Variants in PITPNA observed in about 807,000 individuals in gnomAD.
The protein encoded by PITPNA is phosphatidylinositol transfer protein alpha isoform.
In PITPNA, 13 loss-of-function variants were observed where a neutral mutation model predicts 50.3. That is an observed-to-expected ratio of 0.26 (90% CI 0.17 to 0.41). The LOEUF (loss-of-function observed/expected upper bound fraction) is 0.41, where lower values mean the gene tolerates loss of function less well. Among genes scored for constraint, PITPNA ranks in the 10% least tolerant of loss-of-function variants. PITPNA has a pLI of 1.00. For missense variants in PITPNA, 207 were observed against 333.4 expected, an observed-to-expected ratio of 0.62 and a Z score of 2.95; for synonymous variants, 120 against 119.6, an observed-to-expected ratio of 1.00 and a Z score of -0.02.
At chr17:1,533,089 T>G (rs2151005182) in intron 10 of PITPNA, among the ~76,000 whole-genome samples, 1 of 152,300 alleles carries the variant, frequency 6.6e-6, no homozygotes, top group Non-Finnish European at 1.5e-5. Flanking sequence ...GAGTGGGCTG[T>G]TGCAAAGCAA....
intron 2 of PITPNA, among the ~76,000 whole-genome samples, chr17:1,557,971 C>T (rs1247682107): frequency 6.6e-6 from 1 of 152,232 alleles, no homozygotes; most frequent in African/African-American, 2.4e-5. Flanking sequence ...GGGCTCACGC[C>T]TGTCATCCCA....
chr17:1,558,422 G>A (rs2075749801), intron 2 of PITPNA, 107 bp downstream of exon 2: 3 of 725,232 alleles, frequency 4.1e-6, no homozygotes, highest in Non-Finnish European at 7.2e-6. Context: ...ATTTATGTTA[G>A]AACAAATAAG....
rs201928722 is a variant in PITPNA at position 1,535,448 on chromosome 17, T to C, written c.527A>G (p.Asn176Ser). The change falls in exon 8 of 12, where the codon AAT becomes AGT. Residue 176 changes from asparagine (N) to serine (S), a missense_variant. Transcript: ENST00000313486. ...TGAAGGTGTGAATGGTACCTTCCAA[T>C]TGGGGCCCAAGGGTCCTCGGCCTGT... is the stretch of plus-strand genomic sequence containing the variant. ...IKTGRGPLGP[N>S]WKQELVNQKD... 2.2e-5 allele frequency: 35 copies of C among 1,612,138 alleles called. No homozygotes were observed. The highest frequency in any genetic ancestry group is 1.7e-4 in the African/African-American group (13 of 75,000).
intron 3 of PITPNA, 108 bp from the exon 4 acceptor site, chr17:1,548,495 G>A (rs2075690685): frequency 2.7e-6 from 2 of 735,244 alleles, no homozygotes; most frequent in Non-Finnish European, 4.5e-6. Context: ...AAGTTTCCAT[G>A]CAATGAGCAG....
chr17:1,548,950 G>A (rs1409467184), intron 3 of PITPNA, among the ~76,000 whole-genome samples: 1 of 152,154 alleles, frequency 6.6e-6, no homozygotes, highest in Non-Finnish European at 1.5e-5. Context: ...CGCCCAGGCT[G>A]GAGTGCAGTG....
intron 1 of PITPNA, among the ~76,000 whole-genome samples, chr17:1,560,999 T>C (rs971332076): frequency 3.9e-5 from 6 of 152,282 alleles, no homozygotes; most frequent in Admixed American, 3.3e-4. Flanking sequence ...GCTGACAAAG[T>C]GGCAAGAGCT....
At chr17:1,531,272 T>C (rs542118181) in intron 10 of PITPNA, among the ~76,000 whole-genome samples, 3 of 151,922 alleles carry the variant, frequency 2.0e-5, no homozygotes, top group Non-Finnish European at 2.9e-5. Flanking sequence ...GAGTCCTCTA[T>C]AGGGAAAGTG....
chr17:1,545,991 G>C (rs1488028659), intron 4 of PITPNA, among the ~76,000 whole-genome samples: 3 of 141,866 alleles, frequency 2.1e-5, no homozygotes, highest in Admixed American at 7.6e-5. Flanking sequence ...GGAATGGCAC[G>C]ATCTCGGCTC....
intron 10 of PITPNA, among the ~76,000 whole-genome samples, chr17:1,531,376 C>G (rs74822093): frequency 5.3e-4 from 81 of 152,034 alleles, no homozygotes; most frequent in African/African-American, 1.7e-3. Flanking sequence ...AGGTTCCCCC[C>G]ACTGTAACTA....
chr17:1,541,495 G>T, intron 6 of PITPNA, 71 bp downstream of exon 6: 1 of 1,093,268 alleles, frequency 9.1e-7, no homozygotes, highest in Non-Finnish European at 1.4e-6. Context: ...GGACCCCATG[G>T]TAGCCCTGGA....
Position 1,551,160 on chromosome 17 carries a change from G to A in PITPNA, c.197+1844C>T, listed in dbSNP as rs150489886. On this transcript the variant is annotated intron_variant, in intron 3 of 11. Coordinates refer to ENST00000313486, the MANE Select transcript of PITPNA (RefSeq NM_006224.4). Reference sequence around the variant, plus strand: ...CTGATGCGATAAGAAGGGCGAGTGAGAGTACTGCAGGGGAGCTCTGCTTTC... The same window carrying A: ...CTGATGCGATAAGAAGGGCGAGTGAAAGTACTGCAGGGGAGCTCTGCTTTC... 1.6e-3 allele frequency among the ~76,000 whole-genome samples: 243 copies of A among 152,334 alleles called. 3 individuals are homozygous for A. The highest frequency in any genetic ancestry group is 2.7e-3 in the Non-Finnish European group (186 of 68,034).
chr17:1,535,576 G>C (rs1473543244), intron 7 of PITPNA, 58 bp from the exon 8 acceptor site: 7 of 1,030,622 alleles, frequency 6.8e-6, no homozygotes, highest in Non-Finnish European at 1.1e-5. Context: ...TGAGAGATGG[G>C]GAGAACAGAT....
chr17:1,529,471 G>A (rs958269403), intron 10 of PITPNA, among the ~76,000 whole-genome samples: 3 of 151,332 alleles, frequency 2.0e-5, no homozygotes, highest in Non-Finnish European at 4.4e-5. Context: ...GCTGTGAGCT[G>A]ACATTGTGCC....
chr17:1,538,989 G>GT (rs762710637), intron 6 of PITPNA, 37 bp from the exon 7 acceptor site: 1 of 1,436,388 alleles, frequency 7.0e-7, no homozygotes, highest in South Asian at 1.2e-5. Context: ...TGCAGTTTTT[G>GT]TCAGTTATAA....
At chr17:1,543,324 A>G (rs181712281) in intron 4 of PITPNA, among the ~76,000 whole-genome samples, 129 of 152,292 alleles carry the variant, frequency 8.5e-4, no homozygotes, top group Non-Finnish European at 1.5e-3. Flanking sequence ...AGCTCTGATC[A>G]GCAGAGGTGC....
chr17:1,553,298 A>G, intron 2 of PITPNA, 149 bp from the exon 3 acceptor site: 1 of 777,754 alleles, frequency 1.3e-6, no homozygotes, highest in Admixed American at 2.4e-5. Context: ...CCTTGCCCAA[A>G]CCCACCCAAA....
At chr17:1,548,487 G>A in intron 3 of PITPNA, 100 bp from the exon 4 acceptor site, 1 of 800,390 alleles carries the variant, frequency 1.2e-6, no homozygotes, top group East Asian at 2.7e-5. Context: ...TGACAAGCAA[G>A]TTTCCATGCA....
At position 1,534,976 on chromosome 17, in the gene PITPNA, C is replaced by T. The variant is rs111837359; in HGVS notation, c.645+206G>A. ...ATCTTCTTCACTGGGCCAAACACCC[C>T]CCACCGCACACACACGCAGTCACTG... is the stretch of plus-strand genomic sequence containing the variant. On this transcript the variant is annotated intron_variant, in intron 9 of 11. Transcript: ENST00000313486. Among the ~76,000 whole-genome samples, 1,396 of 152,310 alleles carry T rather than the reference C, an allele frequency of 9.2e-3. 20 individuals are homozygous for T. Among genetic ancestry groups the T allele is most frequent in the African/African-American group, 0.031 (1,301 of 41,550 alleles).
intron 2 of PITPNA, among the ~76,000 whole-genome samples, chr17:1,553,531 C>A (rs575208931): frequency 6.6e-6 from 1 of 152,126 alleles, no homozygotes; most frequent in African/African-American, 2.4e-5. Flanking sequence ...CATGAGCCAC[C>A]GTTCCCAGTC....
Sources: gnomAD v4.1 joint callset for allele counts (sites outside exome capture counted in the v4.1 genomes callset) on GRCh38, gnomAD v4.1.1 for gene constraint, MANE v1.5 for transcripts, NCBI Gene and HGNC (gene_info 2026-07-23, HGNC 2026-07-21) for gene names.